KCTD2: variants seen among roughly 807,000 people sequenced by gnomAD.
KCTD2 encodes the protein potassium channel tetramerization domain containing 2.
Under a neutral mutation model 27.9 loss-of-function variants are expected in KCTD2, and 18 were observed. The observed-to-expected ratio is 0.64, with a 90% CI of 0.45 to 0.96. KCTD2 has a LOEUF of 0.96. Among genes scored for constraint, KCTD2 ranks in the 40% least tolerant of loss-of-function variants. KCTD2 has a pLI of 0.00. For synonymous variants in KCTD2, 175 were observed against 148.4 expected, an observed-to-expected ratio of 1.18 and a Z score of -1.30; for missense variants, 280 against 348.0, an observed-to-expected ratio of 0.80 and a Z score of 1.56.
intron 5 of KCTD2, 56 bp downstream of exon 5, chr17:75,062,301 C>T (rs139396427): frequency 6.8e-5 from 105 of 1,550,364 alleles, no homozygotes; most frequent in Non-Finnish European, 8.4e-5. Context: ...GCACCCCCTC[C>T]GTGGGCTTTT....
upstream of KCTD2, among the ~76,000 whole-genome samples, chr17:75,046,701 G>A (rs1022597994): frequency 1.3e-5 from 2 of 152,242 alleles, no homozygotes; most frequent in African/African-American, 4.8e-5. Flanking sequence ...CATCAGCGGC[G>A]CCTGGGACAC....
chr17:75,062,016 T>C lies in KCTD2; in HGVS notation c.637-104T>C, dbSNP rs200708577. On this transcript the variant is annotated intron_variant, in intron 4 of 5. Coordinates refer to ENST00000322444, the MANE Select transcript of KCTD2 (RefSeq NM_015353.3). ...AGAACTCATATAAAGAGTTAAACCT[T>C]TGATAACTTAAAAGTTCAGTCGGAA... 107 of 1,347,500 alleles carry C rather than the reference T, an allele frequency of 7.9e-5. 1 individual carries two copies. The East Asian group carries it at 2.6e-3, about 32-fold the overall frequency. The allele number at this position is 1,347,500 out of a possible 1,614,324, so 83.5% of individuals were successfully genotyped here. A position where few individuals can be genotyped will look rare whatever the true frequency, so the allele number is the denominator to read the frequency against.
chr17:75,038,823 C>T, intron 3 of KCTD2: 1 of 1,311,086 alleles, frequency 7.6e-7, no homozygotes, highest in Non-Finnish European at 1.0e-6. Flanking sequence ...AGAAGAGAGG[C>T]TTAATTATCT....
chr17:75,034,517 A>G (rs963167798), intron 2 of KCTD2, among the ~76,000 whole-genome samples: 5 of 152,148 alleles, frequency 3.3e-5, no homozygotes, highest in Non-Finnish European at 5.9e-5. Flanking sequence ...GTAAGACGCT[A>G]AACCCACGTG....
intron 2 of KCTD2, among the ~76,000 whole-genome samples, 196 bp from the exon 3 acceptor site, chr17:75,052,818 C>T (rs566041708): frequency 1.2e-4 from 18 of 152,296 alleles, no homozygotes; most frequent in Non-Finnish European, 1.6e-4. Flanking sequence ...CATTTGAACG[C>T]AGGAGGCGGA....
chr17:75,043,611 C>CAAA (rs533075854), upstream of KCTD2, among the ~76,000 whole-genome samples: 40 of 80,642 alleles, frequency 5.0e-4, 2 homozygotes, highest in South Asian at 2.4e-3. Flanking sequence ...GACTCTGTCT[C>CAAA]AAAAAAAAAA....
At chr17:75,055,147 C>T (rs1299358836) in intron 3 of KCTD2, among the ~76,000 whole-genome samples, 2 of 151,930 alleles carry the variant, frequency 1.3e-5, no homozygotes, top group Non-Finnish European at 2.9e-5. Flanking sequence ...CTCTGCCTCC[C>T]AGGTTCAAGC....
At chr17:75,038,128 C>CT (rs948942860) in intron 3 of KCTD2, among the ~76,000 whole-genome samples, 27 of 150,210 alleles carry the variant, frequency 1.8e-4, no homozygotes, top group Admixed American at 2.7e-4. Flanking sequence ...ATAAGTTTCC[C>CT]TTTTTTTTTA....
At chr17:75,056,753 T>C (rs2073353723) in intron 3 of KCTD2, among the ~76,000 whole-genome samples, 1 of 152,096 alleles carries the variant, frequency 6.6e-6, no homozygotes, top group Non-Finnish European at 1.5e-5. Context: ...TTTTGTTTCA[T>C]TTTGTATTTT....
chr17:75,059,409 A>C (rs956481574), intron 3 of KCTD2, 101 bp from the exon 4 acceptor site: 13 of 629,936 alleles, frequency 2.1e-5, no homozygotes, highest in African/African-American at 5.5e-5. Flanking sequence ...ATTTCCAAGC[A>C]AACTCCTTTT....
At chr17:75,060,061 G>GT (rs1345168940) in intron 4 of KCTD2, among the ~76,000 whole-genome samples, 1 of 152,114 alleles carries the variant, frequency 6.6e-6, no homozygotes, top group Non-Finnish European at 1.5e-5. Flanking sequence ...GCCATGGGAA[G>GT]TGTGGTGCGG....
rs1381976371 is a variant in KCTD2, at chr17:75,065,360, CGTT to C, written c.*2316_*2318del. On this transcript the variant is annotated 3_prime_UTR_variant, in exon 6 of 6. Transcript: ENST00000322444. ...CCAGGCTGGTGTTCTTGCTTGAAAG[CGTT>C]GTGCCCTCTGAGTGTCTGGCTGATC... The C allele has an allele frequency of 6.6e-6, 1 of 152,262 alleles. No homozygotes were observed. The highest frequency in any genetic ancestry group is 1.5e-5 in the Non-Finnish European group (1 of 68,074). 9.4% of individuals were successfully genotyped at this position (152,262 alleles called of 1,614,324 possible).
chr17:75,062,115 A>G lies in KCTD2; in HGVS notation c.637-5A>G, dbSNP rs370778824. ...TGAATGTTCACTGTATTCTTGGTTC[A>G]TCAGCTCATCAGCATCGGATCTTCC... is the stretch of plus-strand genomic sequence containing the variant. On this transcript the variant is annotated splice_polypyrimidine_tract_variant and splice_region_variant and intron_variant, in intron 4 of 5. Coordinates refer to ENST00000322444, the MANE Select transcript of KCTD2 (RefSeq NM_015353.3). 2.9e-5 allele frequency: 47 copies of G among 1,613,916 alleles called. No individual in the cohort carries two copies. The highest frequency in any genetic ancestry group is 5.0e-5 in the Admixed American group (3 of 59,964).
chr17:75,038,413 G>A (rs2073125309), intron 3 of KCTD2, among the ~76,000 whole-genome samples: 1 of 152,202 alleles, frequency 6.6e-6, no homozygotes, highest in Admixed American at 6.5e-5. Flanking sequence ...AAAATGCTGG[G>A]ATTACAGGCG....
chr17:75,047,530 C>T lies in KCTD2; in HGVS notation c.280C>T (p.Pro94Ser), dbSNP rs767183455. 6.2e-7 allele frequency: 1 copy of T among 1,611,876 alleles called. No individual in the cohort carries two copies. Among genetic ancestry groups the T allele is most frequent in the Non-Finnish European group, 8.5e-7 (1 of 1,179,610 alleles). The stretch of plus-strand genomic sequence containing the variant: ...CACCAGACAGACCTTAGGCCGGGAG[C>T]CCAAGTCATTTCTCTGCCGCCTCTG... ...VTTRQTLGRE[P>S]KSFLCRLCCQ... is the part of the protein sequence containing the mutation. The change falls in exon 1 of 6, where the codon CCC becomes TCC. Residue 94 changes from proline (P) to serine (S), a missense_variant. Physicochemically the swap from Pro to Ser is moderately conservative, Grantham distance 74 (BLOSUM62 -1). Coordinates refer to ENST00000322444, the MANE Select transcript of KCTD2 (RefSeq NM_015353.3).
At chr17:75,034,505 C>T (rs889761316) in intron 2 of KCTD2, among the ~76,000 whole-genome samples, 1 of 152,134 alleles carries the variant, frequency 6.6e-6, no homozygotes, top group Non-Finnish European at 1.5e-5. Context: ...CACTGGGGCG[C>T]GGTAAGACGC....
At chr17:75,060,658 G>A in intron 4 of KCTD2, 4 of 1,524,494 alleles carry the variant, frequency 2.6e-6, no homozygotes, top group Admixed American at 2.1e-5. Flanking sequence ...GGCCAGGGAG[G>A]GCGCGCGTGC....
intron 3 of KCTD2, among the ~76,000 whole-genome samples, chr17:75,038,115 A>G (rs1477298535): frequency 6.6e-6 from 1 of 152,124 alleles, no homozygotes; most frequent in Non-Finnish European, 1.5e-5. Context: ...TTAACTGTGC[A>G]ACATAAGTTT....
intron 3 of KCTD2, 52 bp downstream of exon 3, chr17:75,053,157 G>T (rs1343106361): frequency 7.1e-7 from 1 of 1,408,644 alleles, no homozygotes. Flanking sequence ...GCTTCTGTCG[G>T]TCGGTCTGTG....
Sources: gnomAD v4.1 joint callset for allele counts (sites outside exome capture counted in the v4.1 genomes callset) on GRCh38, gnomAD v4.1.1 for gene constraint, MANE v1.5 for transcripts, NCBI Gene and HGNC (gene_info 2026-07-23, HGNC 2026-07-21) for gene names.